The following ACOXL variants were observed in gnomAD, a reference collection of about 807,000 sequenced individuals.
ACOXL encodes the protein acyl-coenzyme A oxidase-like protein.
A neutral mutation model predicts 71.9 loss-of-function variants in ACOXL; 70 were observed. That is an observed-to-expected ratio of 0.97 (90% confidence interval 0.80 to 1.19). The LOEUF is 1.19. Ranked by LOEUF, ACOXL falls within the 50% of genes most tolerant of loss-of-function variation. The pLI is 0.00. For synonymous variants in ACOXL, 253 were observed against 281.6 expected (o/e 0.90, Z 1.02); for missense variants, 703 against 736.3 (o/e 0.95, Z 0.52).
At chr2:110,861,698 A>G (rs1314234018) in intron 10 of ACOXL, among the ~76,000 whole-genome samples, 2 of 152,224 alleles carry the variant, frequency 1.3e-5, no homozygotes, top group East Asian at 3.8e-4. Context: ...GGAGGTCGCT[A>G]ATCCGGTGTT....
chr2:110,969,022 G>A (rs1270558804), intron 12 of ACOXL, among the ~76,000 whole-genome samples: 1 of 152,162 alleles, frequency 6.6e-6, no homozygotes, highest in Non-Finnish European at 1.5e-5. Flanking sequence ...AGAAAGAAAA[G>A]AAGAATATCT....
chr2:110,739,560 G>A (rs1175108251), intron 1 of ACOXL, among the ~76,000 whole-genome samples: 2 of 152,236 alleles, frequency 1.3e-5, no homozygotes, highest in African/African-American at 4.8e-5. Flanking sequence ...CTGTGCATTG[G>A]TAAGTGGTGG....
intron 3 of ACOXL, among the ~76,000 whole-genome samples, chr2:110,788,806 C>T (rs1684295968): frequency 6.6e-6 from 1 of 152,200 alleles, no homozygotes; most frequent in Non-Finnish European, 1.5e-5. Context: ...ACCAGGAGGA[C>T]CATGGCTGTC....
intron 2 of ACOXL, among the ~76,000 whole-genome samples, chr2:110,771,891 T>C (rs1366011076): frequency 6.6e-6 from 1 of 152,210 alleles, no homozygotes; most frequent in East Asian, 1.9e-4. Flanking sequence ...CCAGGTCTTA[T>C]CATCTACTTT....
chr2:110,932,974 G>A (rs2060530650), intron 11 of ACOXL, among the ~76,000 whole-genome samples: 1 of 152,302 alleles, frequency 6.6e-6, no homozygotes, highest in Middle Eastern at 3.4e-3. Context: ...CGAGGTCTAC[G>A]TCAGATGCCG....
At chr2:111,079,807 C>G (rs2067801743) in intron 16 of ACOXL, among the ~76,000 whole-genome samples, 1 of 147,432 alleles carries the variant, frequency 6.8e-6, no homozygotes, top group African/African-American at 2.5e-5. Context: ...TAGCCTATAC[C>G]TTTAGTAAGA....
chr2:110,916,978 A>G (rs1313515008), intron 11 of ACOXL, among the ~76,000 whole-genome samples: 1 of 152,240 alleles, frequency 6.6e-6, no homozygotes, highest in Non-Finnish European at 1.5e-5. Flanking sequence ...TACCAGAGGT[A>G]CAAAGAGGCG....
chr2:111,008,442 A>G (rs1381785459), intron 14 of ACOXL, among the ~76,000 whole-genome samples: 8 of 152,148 alleles, frequency 5.3e-5, no homozygotes, highest in Admixed American at 5.2e-4. Context: ...TCTTTCACAC[A>G]TAGAGATCTA....
At chr2:111,093,052 A>G (rs1411444098) in intron 17 of ACOXL, 86 bp downstream of exon 17, 6 of 1,093,792 alleles carry the variant, frequency 5.5e-6, no homozygotes, top group South Asian at 1.4e-5. Flanking sequence ...CCAATCTTCT[A>G]TCAGTTTCCA....
chr2:110,965,815 C>G (rs6746739), intron 12 of ACOXL, among the ~76,000 whole-genome samples: 88,580 of 151,974 alleles, frequency 0.58, 26,243 homozygotes, highest in East Asian at 0.82. Context: ...GGGACTTGAA[C>G]AATGAAACAG....
At chr2:110,925,682 G>A (rs558595445) in intron 11 of ACOXL, among the ~76,000 whole-genome samples, 3 of 152,244 alleles carry the variant, frequency 2.0e-5, no homozygotes, top group South Asian at 4.1e-4. Flanking sequence ...ATCAGCAAAA[G>A]TCTGTTTTGC....
intron 14 of ACOXL, among the ~76,000 whole-genome samples, chr2:111,022,770 G>A (rs1323427943): frequency 6.6e-6 from 1 of 152,162 alleles, no homozygotes; most frequent in African/African-American, 2.4e-5. Flanking sequence ...AGGGAGGCGA[G>A]GGCAGGTACC....
chr2:110,901,171 G>A (rs1218960732), intron 10 of ACOXL, among the ~76,000 whole-genome samples: 2 of 152,324 alleles, frequency 1.3e-5, no homozygotes, highest in East Asian at 3.9e-4. Context: ...GTTGGGGAGG[G>A]TGTTTATGTT....
chr2:110,735,155 T>C (rs1676674491), intron 1 of ACOXL, among the ~76,000 whole-genome samples: 1 of 152,250 alleles, frequency 6.6e-6, no homozygotes, highest in Non-Finnish European at 1.5e-5. Context: ...CCCAAATGGT[T>C]AAAGATTCTG....
intron 1 of ACOXL, among the ~76,000 whole-genome samples, chr2:110,745,459 G>A (rs1478853719): frequency 6.6e-6 from 1 of 152,210 alleles, no homozygotes; most frequent in Non-Finnish European, 1.5e-5. Context: ...TTTGGGCAGA[G>A]GGAGTGGGTG....
Position 110,909,102 on chromosome 2 carries a change from T to G in ACOXL, c.905+197T>G, listed in dbSNP as rs1239668609. Among the ~76,000 whole-genome samples, 5 of 152,254 alleles carry G rather than the reference T, an allele frequency of 3.3e-5. No homozygotes were observed. The East Asian group carries it at 9.6e-4, about 29-fold the overall frequency. ...AAATGTTTTTAACCTGGACATCTGATTTTAAAGGATGCCAAGGTCCAAATC... is the reference window on the plus strand; with the variant it reads ...AAATGTTTTTAACCTGGACATCTGAGTTTAAAGGATGCCAAGGTCCAAATC... On this transcript the variant is annotated intron_variant, in intron 11 of 17. Coordinates refer to ENST00000439055, the MANE Select transcript of ACOXL (RefSeq NM_001142807.4).
rs149392860 is a variant in ACOXL at position 110,899,449 on chromosome 2, G to T, written c.789-9340G>T. 2.8e-3 allele frequency among the ~76,000 whole-genome samples: 428 copies of T among 152,262 alleles called. 1 individual carries two copies. Among genetic ancestry groups the T allele is most frequent in the Middle Eastern group, 0.014 (4 of 294 alleles). ...GATGGCTTTTGGGGCAGACAGGATGGACAGAGACTCTGCATCTGCCATGAA... is the reference window on the plus strand; with the variant it reads ...GATGGCTTTTGGGGCAGACAGGATGTACAGAGACTCTGCATCTGCCATGAA... On this transcript the variant is annotated intron_variant, in intron 10 of 17. Transcript: ENST00000439055.
intron 10 of ACOXL, among the ~76,000 whole-genome samples, chr2:110,859,192 A>C (rs778303713): frequency 6.6e-5 from 10 of 152,206 alleles, no homozygotes; most frequent in African/African-American, 2.4e-4. Context: ...ATCCAAAACA[A>C]AGAGAAAGAG....
At chr2:111,078,155 C>G (rs1268163735) in intron 16 of ACOXL, among the ~76,000 whole-genome samples, 1 of 142,048 alleles carries the variant, frequency 7.0e-6, no homozygotes, top group Non-Finnish European at 1.6e-5. Flanking sequence ...TTCTAGTTTA[C>G]TCAGTCTTTC....
Sources: gnomAD v4.1 joint callset for allele counts (sites outside exome capture counted in the v4.1 genomes callset) on GRCh38, gnomAD v4.1.1 for gene constraint, MANE v1.5 for transcripts, NCBI Gene and HGNC (gene_info 2026-07-23, HGNC 2026-07-21) for gene names.